Variants in NSMCE1 observed in about 807,000 individuals in gnomAD.
The protein encoded by NSMCE1 is non-structural maintenance of chromosomes element 1 homolog.
NSMCE1 carries 18 observed loss-of-function variants against 29.6 expected under a neutral mutation model. The observed-to-expected ratio is 0.61, with a 90% CI of 0.42 to 0.90. NSMCE1 has a LOEUF of 0.90. Among genes scored for constraint, NSMCE1 ranks in the 40% least tolerant of loss-of-function variants. The probability of loss-of-function intolerance (pLI) is 0.00; values close to 1 mark genes in which losing one functional copy is unlikely to be tolerated. For missense variants in NSMCE1, 314 were observed against 343.6 expected (o/e 0.91, Z 0.68); for synonymous variants, 124 against 133.4 (o/e 0.93, Z 0.49).
intron 2 of NSMCE1, among the ~76,000 whole-genome samples, chr16:27,250,934 C>T (rs377278049): frequency 1.4e-5 from 2 of 145,274 alleles, no homozygotes; most frequent in East Asian, 2.0e-4. Flanking sequence ...CTCTGCCTCC[C>T]GGATTCAAGC....
chr16:27,238,872 A>ATTT (rs545512534), intron 2 of NSMCE1, among the ~76,000 whole-genome samples: 2 of 138,926 alleles, frequency 1.4e-5, no homozygotes, highest in Admixed American at 7.2e-5. Flanking sequence ...ATCCCGACAC[A>ATTT]TTTTTTTTTT....
At chr16:27,236,945 A>G (rs1347204002) in intron 2 of NSMCE1, among the ~76,000 whole-genome samples, 1 of 151,862 alleles carries the variant, frequency 6.6e-6, no homozygotes, top group Non-Finnish European at 1.5e-5. Context: ...CTCAAGATTC[A>G]TAAAGTTAAA....
chr16:27,237,102 T>C (rs2083834004), intron 2 of NSMCE1, among the ~76,000 whole-genome samples: 1 of 152,226 alleles, frequency 6.6e-6, no homozygotes, highest in Non-Finnish European at 1.5e-5. Context: ...GCAGTGACAC[T>C]AATGTGCCAT....
intron 2 of NSMCE1, among the ~76,000 whole-genome samples, chr16:27,252,920 AAAAAAT>A (rs1477650774): frequency 6.6e-5 from 10 of 152,174 alleles, no homozygotes; most frequent in East Asian, 1.9e-4. Flanking sequence ...ACTGTCTCAA[AAAAAAT>A]AAAAATAAAA....
intron 1 of NSMCE1, among the ~76,000 whole-genome samples, chr16:27,261,393 AG>A (rs1266552691): frequency 5.3e-5 from 8 of 151,970 alleles, no homozygotes; most frequent in African/African-American, 1.7e-4. Context: ...TTGAAAAAAA[AG>A]GAAATTAACT....
chr16:27,252,208 TG>T (rs1343236245), intron 2 of NSMCE1, among the ~76,000 whole-genome samples: 1 of 152,150 alleles, frequency 6.6e-6, no homozygotes, highest in Non-Finnish European at 1.5e-5. Context: ...GCCCCTAGGA[TG>T]GGGGCTGGTC....
chr16:27,262,243 CAAA>C (rs34046376), intron 1 of NSMCE1, among the ~76,000 whole-genome samples: 78 of 125,924 alleles, frequency 6.2e-4, no homozygotes, highest in African/African-American at 8.0e-4. Context: ...GACTTCATCT[CAAA>C]AAAAAAAAAA....
At chr16:27,252,388 G>A (rs1414552616) in intron 2 of NSMCE1, among the ~76,000 whole-genome samples, 3 of 152,176 alleles carry the variant, frequency 2.0e-5, no homozygotes. Context: ...CAGGCACGGT[G>A]GCTAAATAAA....
At chr16:27,229,291 A>T (rs1332102879) in intron 5 of NSMCE1, among the ~76,000 whole-genome samples, 1 of 152,172 alleles carries the variant, frequency 6.6e-6, no homozygotes, top group African/African-American at 2.4e-5. Context: ...TTCCTCTGGG[A>T]CAGCTGTCAT....
Position 27,251,191 on chromosome 16 carries a change from A to ATATAAAT in NSMCE1, c.136+6243_136+6244insATTTATA, listed in dbSNP as rs1555477411. 8.7e-4 allele frequency among the ~76,000 whole-genome samples: 28 copies of ATATAAAT among 32,320 alleles called. No individual in the cohort carries two copies. The East Asian group carries it at 0.018, about 20-fold the overall frequency. The allele number at this position is 32,320 out of a possible 152,430, so 21.2% of individuals were successfully genotyped here. ...ATATATATATATATATATATATATA[A>ATATAAAT]ATATATATATATATATAAAACTCTG... is the stretch of plus-strand genomic sequence containing the variant. On this transcript the variant is annotated intron_variant, in intron 2 of 7. Transcript: ENST00000361439.
At chr16:27,243,007 T>G (rs12924419) in intron 2 of NSMCE1, among the ~76,000 whole-genome samples, 1 of 152,150 alleles carries the variant, frequency 6.6e-6, no homozygotes, top group East Asian at 1.9e-4. Flanking sequence ...TGGACAAATC[T>G]GATGCCTACA....
intron 1 of NSMCE1, among the ~76,000 whole-genome samples, chr16:27,260,474 A>C (rs1327375115): frequency 6.6e-6 from 1 of 152,222 alleles, no homozygotes; most frequent in Non-Finnish European, 1.5e-5. Context: ...AAAACAAAGT[A>C]AGTCAGGAGA....
At chr16:27,245,993 G>A (rs996273712) in intron 2 of NSMCE1, among the ~76,000 whole-genome samples, 4 of 152,176 alleles carry the variant, frequency 2.6e-5, no homozygotes, top group Admixed American at 6.5e-5. Context: ...TGTCAACATC[G>A]CTGATTCACC....
intron 2 of NSMCE1, among the ~76,000 whole-genome samples, chr16:27,237,881 C>T (rs1372815686): frequency 6.6e-6 from 1 of 152,156 alleles, no homozygotes; most frequent in Non-Finnish European, 1.5e-5. Context: ...CCAACCACTT[C>T]CTCCTACTGT....
At chr16:27,231,811 G>A (rs79739100) in intron 5 of NSMCE1, among the ~76,000 whole-genome samples, 2,363 of 152,196 alleles carry the variant, frequency 0.016, 60 homozygotes, top group African/African-American at 0.053. Context: ...GCCTGAACTC[G>A]GCCCTGCCAC....
chr16:27,259,082 C>T (rs1273525694), intron 1 of NSMCE1, among the ~76,000 whole-genome samples: 1 of 152,096 alleles, frequency 6.6e-6, no homozygotes, highest in Non-Finnish European at 1.5e-5. Flanking sequence ...TCAACTGGAC[C>T]TCAGGGCTGG....
chr16:27,237,552 C>T (rs905427790), intron 2 of NSMCE1, among the ~76,000 whole-genome samples: 1 of 152,170 alleles, frequency 6.6e-6, no homozygotes, highest in African/African-American at 2.4e-5. Context: ...TGCAAGAGGC[C>T]CAGACATCAA....
chr16:27,261,081 C>T (rs548630825), intron 1 of NSMCE1, among the ~76,000 whole-genome samples: 3 of 148,186 alleles, frequency 2.0e-5, no homozygotes, highest in South Asian at 4.4e-4. Context: ...GCATGAGAAT[C>T]GCTGGAACAT....
chr16:27,268,308 G>C (rs1254173347), intron 1 of NSMCE1: 1 of 152,154 alleles, frequency 6.6e-6, no homozygotes, highest in Non-Finnish European at 1.5e-5. Context: ...GAGGGTGGTC[G>C]GCAAAGGCTG....
Sources: gnomAD v4.1 joint callset for allele counts (sites outside exome capture counted in the v4.1 genomes callset) on GRCh38, gnomAD v4.1.1 for gene constraint, MANE v1.5 for transcripts, NCBI Gene and HGNC (gene_info 2026-07-23, HGNC 2026-07-21) for gene names.